The following SYN1 variants were observed in gnomAD, a reference collection of about 807,000 sequenced individuals.
SYN1 encodes synapsin I, also known as synapsin-1.
A neutral mutation model predicts 44.6 loss-of-function variants in SYN1; 8 were observed. The ratio of observed to expected loss-of-function variants is 0.18; its 90% confidence interval spans 0.11 to 0.32. SYN1 has a LOEUF of 0.32. Among genes scored for constraint, SYN1 ranks in the 10% least tolerant of loss-of-function variants. The pLI, the probability that SYN1 is intolerant of heterozygous loss-of-function variation, is 1.00. For synonymous variants in SYN1, 275 were observed against 280.1 expected, an observed-to-expected ratio of 0.98 and a Z score of 0.18; for missense variants, 451 against 639.4, an observed-to-expected ratio of 0.71 and a Z score of 3.18.
chrX:47,608,271 G>GAAGA (rs2057905331), intron 1 of SYN1, among the ~76,000 whole-genome samples: 1 of 12,354 alleles, frequency 8.1e-5, no homozygotes, highest in East Asian at 8.5e-3. Context: ...AGGAAGGAAG[G>GAAGA]AAGGAAGGAA....
At chrX:47,611,571 T>C (rs1441130685) in intron 1 of SYN1, among the ~76,000 whole-genome samples, 1 of 112,013 alleles carries the variant, frequency 8.9e-6, no homozygotes, top group Non-Finnish European at 1.9e-5. Context: ...ATAATATTCA[T>C]AGATGGTCTT....
At chrX:47,600,631 T>C (rs2057877059) in intron 5 of SYN1, among the ~76,000 whole-genome samples, 1 of 112,212 alleles carries the variant, frequency 8.9e-6, no homozygotes, top group Admixed American at 9.5e-5. Flanking sequence ...AGACTATATG[T>C]TAAGCCAGAA....
intron 5 of SYN1, among the ~76,000 whole-genome samples, chrX:47,580,629 C>T (rs1442826602): frequency 1.1e-4 from 10 of 94,307 alleles, no homozygotes; most frequent in Non-Finnish European, 1.9e-4. Context: ...GAAACTCTGT[C>T]TAAAAAAAAA....
intron 5 of SYN1, among the ~76,000 whole-genome samples, chrX:47,579,849 G>GCCCCCCCCCCCCCCC (rs140381513): frequency 5.1e-4 from 42 of 83,116 alleles, no homozygotes; most frequent in African/African-American, 6.8e-4. Context: ...TGTTTTTGTC[G>GCCCCCCCCCCCCCCC]CCCCCCCACC....
intron 1 of SYN1, 77 bp from the exon 2 acceptor site, chrX:47,607,275 T>C: frequency 1.0e-6 from 1 of 982,877 alleles, no homozygotes; most frequent in Non-Finnish European, 1.4e-6. Context: ...TTGACCCTTT[T>C]GCCCCTTCAA....
At chrX:47,610,199 C>T (rs755069815) in intron 1 of SYN1, among the ~76,000 whole-genome samples, 4 of 111,101 alleles carry the variant, frequency 3.6e-5, no homozygotes, top group East Asian at 2.8e-4. Flanking sequence ...GGCGGAGCTT[C>T]GGAGAAAGTT....
At chrX:47,609,308 C>T (rs758265149) in intron 1 of SYN1, among the ~76,000 whole-genome samples, 1 of 112,178 alleles carries the variant, frequency 8.9e-6, no homozygotes, top group East Asian at 2.8e-4. Flanking sequence ...TCCAAGGTTA[C>T]ACCTACTTCA....
At chrX:47,577,762 C>T (rs1159001867) in intron 5 of SYN1, among the ~76,000 whole-genome samples, 4 of 108,653 alleles carry the variant, frequency 3.7e-5, no homozygotes, top group South Asian at 4.0e-4. Flanking sequence ...CCTGCTTTCC[C>T]GGGCAGAGGC....
intron 1 of SYN1, among the ~76,000 whole-genome samples, chrX:47,618,643 C>T (rs1028624638): frequency 9.0e-6 from 1 of 111,341 alleles, no homozygotes; most frequent in African/African-American, 3.3e-5. Flanking sequence ...GGAGAAAAGG[C>T]CCTCAGAGAG....
intron 5 of SYN1, among the ~76,000 whole-genome samples, chrX:47,584,242 G>GATTGAGGATGATCAGGT (rs1333022937): frequency 1.8e-5 from 2 of 109,163 alleles, no homozygotes; most frequent in Admixed American, 9.7e-5. Context: ...GATGATCAGA[G>GATTGAGGATGATCAGGT]ATTGAGGATG....
In SYN1 at chrX:47,619,825, A is replaced by C; in HGVS notation, c.-97T>G. The stretch of plus-strand genomic sequence containing the variant: ...CAGGAGCACAGCTGCGCTCTCAGGC[A>C]CGACACGACTCCTCCGCTGCCCACC... On this transcript the variant is annotated 5_prime_UTR_variant, in exon 1 of 13. Transcript: ENST00000295987. The C allele has an allele frequency of 1.1e-6, 1 of 930,263 alleles. No individual in the cohort carries two copies. The highest frequency in any genetic ancestry group is 2.8e-5 in the Admixed American group (1 of 35,253). 76.7% of individuals were successfully genotyped at this position (930,263 alleles called of 1,213,427 possible).
intron 1 of SYN1, among the ~76,000 whole-genome samples, chrX:47,613,715 G>A (rs2057923366): frequency 9.0e-6 from 1 of 111,385 alleles, no homozygotes; most frequent in Non-Finnish European, 1.9e-5. Context: ...CATGACCATG[G>A]AATTAACTGA....
At position 47,619,215 on chromosome X, in the gene SYN1, C is replaced by T; in HGVS notation, c.377+137G>A. The T allele has an allele frequency of 8.1e-6, 8 of 988,450 alleles. No individual in the cohort carries two copies. The South Asian group carries it at 1.7e-4, about 21-fold the overall frequency. The allele number at this position is 988,450 out of a possible 1,213,427, so 81.5% of individuals were successfully genotyped here. A position where few individuals can be genotyped will look rare whatever the true frequency, so the allele number is the denominator to read the frequency against. ...GGCGGGGCACAGAGGAAGCATCCAG[C>T]TTAATAATTTAAAGGAAAAAGATTT... is the stretch of plus-strand genomic sequence containing the variant. On this transcript the variant is annotated intron_variant, in intron 1 of 12. Transcript: ENST00000295987.
intron 1 of SYN1, among the ~76,000 whole-genome samples, chrX:47,609,596 T>C (rs1333754481): frequency 8.9e-6 from 1 of 112,206 alleles, no homozygotes; most frequent in Non-Finnish European, 1.9e-5. Flanking sequence ...CAGTGGGCCA[T>C]GGAAGTCAAA....
Position 47,597,243 on chromosome X carries a change from G to A in SYN1, c.774+7735C>T, listed in dbSNP as rs185982669. Among the ~76,000 whole-genome samples, 17 of 109,166 alleles carry A rather than the reference G, an allele frequency of 1.6e-4. No homozygotes were observed. In the East Asian group the frequency reaches 4.6e-3, roughly 29 times the overall value. 94.8% of individuals were successfully genotyped at this position (109,166 alleles called of 115,157 possible). ...CCAGCTACTCGGGAGGCTGAGGCAC[G>A]AGAATTGCTTGAACCTGGGAGGTGG... is the stretch of plus-strand genomic sequence containing the variant. On this transcript the variant is annotated intron_variant, in intron 5 of 12. Transcript: ENST00000295987.
intron 3 of SYN1, among the ~76,000 whole-genome samples, 194 bp downstream of exon 3, chrX:47,606,751 A>ATATATATAT (rs1345170011): frequency 1.8e-4 from 17 of 93,242 alleles, no homozygotes; most frequent in African/African-American, 6.4e-4. Context: ...ATATATATAT[A>ATATATATAT]TTTTTTTTTA....
chrX:47,578,157 A>G (rs1293949717), intron 5 of SYN1, among the ~76,000 whole-genome samples: 1 of 110,498 alleles, frequency 9.0e-6, no homozygotes, highest in Non-Finnish European at 1.9e-5. Flanking sequence ...CACACACTGG[A>G]CACCCTTAGG....
rs1397266623 is a variant in SYN1 at position 47,577,414 on chromosome X, A to T, written c.837+25T>A. On this transcript the variant is annotated intron_variant, in intron 6 of 12. Transcript: ENST00000295987. ...GCATTGCACAAATACACATCTACCT[A>T]TGCACAGCCCAGCCAGAGACTCACC... The T allele has an allele frequency of 5.8e-6, 7 of 1,197,419 alleles. No homozygotes were observed. The African/African-American group carries it at 1.1e-4, about 18-fold the overall frequency.
intron 5 of SYN1, chrX:47,587,606 A>T (rs776835476): frequency 1.3e-4 from 15 of 112,429 alleles, no homozygotes; most frequent in African/African-American, 4.9e-4. Context: ...TACCCTCCAC[A>T]CACCTCCCTC....
Sources: gnomAD v4.1 joint callset for allele counts (sites outside exome capture counted in the v4.1 genomes callset) on GRCh38, gnomAD v4.1.1 for gene constraint, MANE v1.5 for transcripts, NCBI Gene and HGNC (gene_info 2026-07-23, HGNC 2026-07-21) for gene names.